Variants in GRXCR1 observed in about 807,000 individuals in gnomAD.
The protein encoded by GRXCR1 is glutaredoxin and cysteine rich domain containing 1.
GRXCR1 carries 27 observed loss-of-function variants against 27.3 expected under a neutral mutation model. The observed-to-expected ratio is 0.99, with a 90% CI of 0.73 to 1.37. The LOEUF is 1.37. GRXCR1 is among the 40% of genes most tolerant of loss of function. GRXCR1 has a pLI of 0.00. For missense variants in GRXCR1, 379 were observed against 354.4 expected (o/e 1.07, Z -0.56); for synonymous variants, 122 against 131.1 (o/e 0.93, Z 0.47).
Position 42,962,957 on chromosome 4 carries a change from G to A in GRXCR1, c.450G>A (p.Arg150=). 3 of 1,612,790 alleles carry A rather than the reference G, an allele frequency of 1.9e-6. No homozygotes were observed. Among genetic ancestry groups the A allele is most frequent in the Non-Finnish European group, 2.5e-6 (3 of 1,179,104 alleles). Residue 150 remains arginine (R), a synonymous_variant, in exon 2 of 4, where the codon CGG becomes CGA. Coordinates refer to ENST00000399770, the MANE Select transcript of GRXCR1 (RefSeq NM_001080476.3). ...ATACCACCTGCCTTCGTGTGGTCCG[G>A]ACAACCTTTGAAAGATGTGAACTGG... ...VIYTTCLRVV[R]TTFERCELVR...
At chr4:42,971,329 T>A (rs1577925951) in intron 2 of GRXCR1, among the ~76,000 whole-genome samples, 1 of 152,170 alleles carries the variant, frequency 6.6e-6, no homozygotes, top group East Asian at 1.9e-4. Flanking sequence ...TTTTTATATA[T>A]GTTTATAGCA....
At chr4:43,008,462 A>G (rs878901416) in intron 2 of GRXCR1, among the ~76,000 whole-genome samples, 6 of 152,244 alleles carry the variant, frequency 3.9e-5, no homozygotes, top group African/African-American at 1.2e-4. Flanking sequence ...GGAAGTGTCT[A>G]TGAGGCACAA....
chr4:42,936,959 C>T (rs1408208944), intron 1 of GRXCR1, among the ~76,000 whole-genome samples: 1 of 151,868 alleles, frequency 6.6e-6, no homozygotes, highest in Non-Finnish European at 1.5e-5. Flanking sequence ...TATATAGTTA[C>T]TCTTTTTCCC....
chr4:42,986,792 G>T (rs190939579), intron 2 of GRXCR1, among the ~76,000 whole-genome samples: 159 of 152,194 alleles, frequency 1.0e-3, no homozygotes, highest in African/African-American at 3.8e-3. Context: ...AGGGTGGAGT[G>T]TGGTAGTCCT....
At chr4:43,012,180 A>C (rs1463435366) in intron 2 of GRXCR1, among the ~76,000 whole-genome samples, 1 of 152,192 alleles carries the variant, frequency 6.6e-6, no homozygotes, top group Non-Finnish European at 1.5e-5. Flanking sequence ...GACTCTTTAG[A>C]GAGCCTAGCT....
intron 1 of GRXCR1, among the ~76,000 whole-genome samples, chr4:42,938,032 T>A (rs10024412): frequency 0.023 from 3,523 of 152,010 alleles, 147 homozygotes; most frequent in African/African-American, 0.081. Flanking sequence ...TGCATCTAAC[T>A]ATATTTTTGT....
chr4:42,971,354 G>A (rs1470116770), intron 2 of GRXCR1, among the ~76,000 whole-genome samples: 6 of 152,062 alleles, frequency 3.9e-5, no homozygotes, highest in South Asian at 2.1e-4. Context: ...TCCACTACCA[G>A]TACCAATTTC....
intron 1 of GRXCR1, among the ~76,000 whole-genome samples, chr4:42,908,154 C>T (rs1022672520): frequency 6.6e-6 from 1 of 152,184 alleles, no homozygotes; most frequent in African/African-American, 2.4e-5. Flanking sequence ...GTGTTCCTTC[C>T]TGTTTGTATT....
chr4:43,012,198 G>T (rs991557890), intron 2 of GRXCR1, among the ~76,000 whole-genome samples: 1 of 152,096 alleles, frequency 6.6e-6, no homozygotes, highest in Non-Finnish European at 1.5e-5. Context: ...GCTAGCATGC[G>T]GCTCTTTAGC....
intron 2 of GRXCR1, among the ~76,000 whole-genome samples, chr4:42,984,362 C>T (rs907891144): frequency 2.0e-5 from 3 of 152,140 alleles, no homozygotes; most frequent in African/African-American, 7.2e-5. Context: ...TATTTTGAAT[C>T]TTCATCCGGC....
intron 1 of GRXCR1, among the ~76,000 whole-genome samples, chr4:42,907,464 G>A (rs1746622565): frequency 6.6e-6 from 1 of 152,110 alleles, no homozygotes; most frequent in Non-Finnish European, 1.5e-5. Flanking sequence ...TCTCCTCTTA[G>A]CTAGCACTTC....
At chr4:43,023,141 G>C (rs1713145192) in intron 3 of GRXCR1, among the ~76,000 whole-genome samples, 2 of 152,140 alleles carry the variant, frequency 1.3e-5, no homozygotes, top group African/African-American at 4.8e-5. Flanking sequence ...CACAAAACCT[G>C]GGTTAGTAGT....
chr4:42,914,339 C>A lies in GRXCR1; in HGVS notation c.384+20689C>A, dbSNP rs182244648. 3.5e-3 allele frequency among the ~76,000 whole-genome samples: 530 copies of A among 152,360 alleles called. 1 individual carries two copies. Among genetic ancestry groups the A allele is most frequent in the Non-Finnish European group, 5.4e-3 (367 of 68,038 alleles). On this transcript the variant is annotated intron_variant, in intron 1 of 3. Transcript: ENST00000399770. ...GGCCATGGGAGCCCACCTCTTGCAT[C>A]AGCATGATCTGGATGTGAGACATGG...
At chr4:42,997,154 T>C (rs1405475521) in intron 2 of GRXCR1, among the ~76,000 whole-genome samples, 2 of 152,120 alleles carry the variant, frequency 1.3e-5, no homozygotes, top group African/African-American at 4.8e-5. Context: ...TATTAATAGG[T>C]TATTACCCAT....
intron 3 of GRXCR1, among the ~76,000 whole-genome samples, chr4:43,022,989 T>C (rs1262510208): frequency 6.6e-6 from 1 of 152,214 alleles, no homozygotes; most frequent in African/African-American, 2.4e-5. Context: ...CAAGAGTGTT[T>C]AGGTAGTCAG....
At chr4:42,904,388 C>T (rs554297187) in intron 1 of GRXCR1, among the ~76,000 whole-genome samples, 1 of 152,274 alleles carries the variant, frequency 6.6e-6, no homozygotes, top group South Asian at 2.1e-4. Flanking sequence ...TCAAAGCCCC[C>T]CTTTTCTTTG....
chr4:43,023,922 A>G (rs1485744684), intron 3 of GRXCR1, among the ~76,000 whole-genome samples: 4 of 152,176 alleles, frequency 2.6e-5, no homozygotes, highest in Non-Finnish European at 5.9e-5. Flanking sequence ...ATGTTAATAA[A>G]TAGGCTAAAA....
At chr4:42,903,872 G>A (rs1331764660) in intron 1 of GRXCR1, among the ~76,000 whole-genome samples, 1 of 152,078 alleles carries the variant, frequency 6.6e-6, no homozygotes, top group East Asian at 1.9e-4. Flanking sequence ...CAGACCCAAA[G>A]CCTGTGTTGG....
At chr4:43,008,968 C>A (rs994153667) in intron 2 of GRXCR1, among the ~76,000 whole-genome samples, 1 of 152,208 alleles carries the variant, frequency 6.6e-6, no homozygotes, top group African/African-American at 2.4e-5. Flanking sequence ...GCGCAACCTT[C>A]CTTCTCCTGC....
Sources: allele counts gnomAD v4.1 joint callset (sites outside exome capture counted in the v4.1 genomes callset), GRCh38; gene constraint gnomAD v4.1.1; transcripts MANE v1.5; gene names NCBI Gene and HGNC (gene_info 2026-07-23, HGNC 2026-07-21).